EVI5: variants seen among roughly 807,000 people sequenced by gnomAD.
The protein encoded by EVI5 is ecotropic viral integration site 5 protein homolog.
In EVI5, 73 loss-of-function variants were observed where a neutral mutation model predicts 112.0. The ratio of observed to expected loss-of-function variants is 0.65; its 90% CI spans 0.54 to 0.79. EVI5 has a LOEUF of 0.79. Among genes scored for constraint, EVI5 ranks in the 30% least tolerant of loss-of-function variants. The probability of loss-of-function intolerance (pLI) is 0.00; values close to 1 mark genes in which losing one functional copy is unlikely to be tolerated. For missense variants in EVI5, 900 were observed against 968.8 expected (o/e 0.93, Z 0.94); for synonymous variants, 305 against 319.9 (o/e 0.95, Z 0.50).
At chr1:92,711,126 C>T (rs1364986410) in intron 2 of EVI5, among the ~76,000 whole-genome samples, 1 of 152,064 alleles carries the variant, frequency 6.6e-6, no homozygotes, top group Non-Finnish European at 1.5e-5. Flanking sequence ...ATCTATAATA[C>T]TATGATTTGA....
intron 19 of EVI5, among the ~76,000 whole-genome samples, chr1:92,526,201 G>C (rs1270217165): frequency 6.6e-6 from 1 of 152,208 alleles, no homozygotes; most frequent in Non-Finnish European, 1.5e-5. Flanking sequence ...TGAGATCACA[G>C]ACATGTGCCA....
chr1:92,513,822 C>T lies in EVI5; in HGVS notation c.2315G>A (p.Gly772Asp). ...ACCAGATTTTCCGTGCAAAGGAAAA[C>T]CAACACCAGTTTCCTGTAAGGAATT... is the stretch of plus-strand genomic sequence containing the variant. ...IDNSLQETGV[G>D]FPLHGKSGSM... The change falls in exon 20 of 20, where the codon GGT becomes GAT. Residue 772 changes from glycine (G) to aspartate (D), a missense_variant. Physicochemically the swap from Gly to Asp is moderately conservative, Grantham distance 94. Transcript: ENST00000684568. 6.2e-7 allele frequency: 1 copy of T among 1,613,610 alleles called. No individual in the cohort carries two copies. The highest frequency in any genetic ancestry group is 2.2e-5 in the East Asian group (1 of 44,840).
chr1:92,576,296 TA>T (rs1239274711), intron 18 of EVI5, among the ~76,000 whole-genome samples: 2 of 152,248 alleles, frequency 1.3e-5, no homozygotes, highest in African/African-American at 4.8e-5. Context: ...CATTAAAAGT[TA>T]AACATAATAT....
intron 19 of EVI5, among the ~76,000 whole-genome samples, chr1:92,514,551 G>A (rs761435825): frequency 1.3e-5 from 2 of 152,122 alleles, no homozygotes; most frequent in Admixed American, 6.6e-5. Context: ...GGAGACTCAG[G>A]AAGAGTAACT....
chr1:92,581,900 T>G (rs1484590083), intron 18 of EVI5, among the ~76,000 whole-genome samples: 1 of 152,186 alleles, frequency 6.6e-6, no homozygotes, highest in African/African-American at 2.4e-5. Flanking sequence ...ATTCAGCAAC[T>G]ATTTGTTGAG....
At chr1:92,747,967 T>G (rs559201122) in intron 1 of EVI5, among the ~76,000 whole-genome samples, 2 of 152,254 alleles carry the variant, frequency 1.3e-5, no homozygotes, top group East Asian at 1.9e-4. Flanking sequence ...CTCCAGTGAC[T>G]GTATCTTCCC....
chr1:92,745,245 A>T (rs1241127021), intron 1 of EVI5, among the ~76,000 whole-genome samples: 1 of 150,614 alleles, frequency 6.6e-6, no homozygotes, highest in Non-Finnish European at 1.5e-5. Context: ...AGCCTTTTTC[A>T]CTCTTTACTG....
intron 18 of EVI5, among the ~76,000 whole-genome samples, chr1:92,596,359 TG>T (rs890017381): frequency 2.6e-5 from 4 of 152,054 alleles, no homozygotes; most frequent in African/African-American, 9.7e-5. Flanking sequence ...GACCCTGTCT[TG>T]AAAACAATAA....
At chr1:92,623,507 C>T (rs1655011472) in intron 16 of EVI5, among the ~76,000 whole-genome samples, 1 of 152,218 alleles carries the variant, frequency 6.6e-6, no homozygotes, top group South Asian at 2.1e-4. Flanking sequence ...AAATGGGTTT[C>T]ATAAAAAGAC....
At chr1:92,753,351 C>A (rs1680474949) in intron 1 of EVI5, among the ~76,000 whole-genome samples, 1 of 152,070 alleles carries the variant, frequency 6.6e-6, no homozygotes, top group African/African-American at 2.4e-5. Flanking sequence ...ACCAATCAAT[C>A]AATCAATAGA....
At chr1:92,632,894 A>G (rs1399906150) in intron 14 of EVI5, among the ~76,000 whole-genome samples, 1 of 152,174 alleles carries the variant, frequency 6.6e-6, no homozygotes, top group African/African-American at 2.4e-5. Context: ...CATTGGTTTC[A>G]AAGGACATCT....
At chr1:92,765,946 G>A (rs1682567619) in intron 1 of EVI5, among the ~76,000 whole-genome samples, 1 of 151,780 alleles carries the variant, frequency 6.6e-6, no homozygotes, top group South Asian at 2.1e-4. Context: ...CAGGCATGGT[G>A]GCATGTGCCT....
chr1:92,634,782 GCT>G (rs377367940), intron 14 of EVI5, among the ~76,000 whole-genome samples: 34 of 152,268 alleles, frequency 2.2e-4, no homozygotes, highest in African/African-American at 7.2e-4. Context: ...CAGTTTTTCT[GCT>G]CTGTTTTTTC....
rs143989973 is a variant in EVI5 at position 92,718,759 on chromosome 1, G to T, written c.150-14015C>A. ...AAAAAAATCGGTGAATCCAGGAGCT[G>T]GTTTTTTGAAAAGATCAACAAAATT... On this transcript the variant is annotated intron_variant, in intron 2 of 19. Coordinates refer to ENST00000684568, the MANE Select transcript of EVI5 (RefSeq NM_001350197.2). 6.7e-3 allele frequency among the ~76,000 whole-genome samples: 1,017 copies of T among 152,144 alleles called. 6 individuals carry two copies. Among genetic ancestry groups the T allele is most frequent in the Non-Finnish European group, 0.011 (780 of 68,006 alleles).
intron 19 of EVI5, among the ~76,000 whole-genome samples, chr1:92,544,264 T>C (rs958007780): frequency 1.3e-5 from 2 of 152,186 alleles, no homozygotes; most frequent in Non-Finnish European, 2.9e-5. Flanking sequence ...ACTGTGATGA[T>C]AGCTGCATAA....
chr1:92,555,984 T>C (rs1412109029), intron 19 of EVI5, among the ~76,000 whole-genome samples: 1 of 151,792 alleles, frequency 6.6e-6, no homozygotes, highest in Non-Finnish European at 1.5e-5. Context: ...CTACCTTTAG[T>C]ATTTTAGTTT....
chr1:92,542,546 C>T (rs556558886), intron 19 of EVI5, among the ~76,000 whole-genome samples: 118 of 152,282 alleles, frequency 7.7e-4, no homozygotes, highest in African/African-American at 2.6e-3. Context: ...GAACCCTTTG[C>T]GGAGGATTTC....
At chr1:92,533,473 CA>C (rs1663264920) in intron 19 of EVI5, among the ~76,000 whole-genome samples, 1 of 152,018 alleles carries the variant, frequency 6.6e-6, no homozygotes, top group African/African-American at 2.4e-5. Flanking sequence ...GGCAGAGACA[CA>C]ACAAAAAAAC....
intron 9 of EVI5, among the ~76,000 whole-genome samples, chr1:92,689,181 G>C (rs574726238): frequency 6.6e-6 from 1 of 152,260 alleles, no homozygotes; most frequent in South Asian, 2.1e-4. Context: ...ATACACTGCT[G>C]GGTTAGACTA....
Sources: allele counts gnomAD v4.1 joint callset (sites outside exome capture counted in the v4.1 genomes callset), GRCh38; gene constraint gnomAD v4.1.1; transcripts MANE v1.5; gene names NCBI Gene and HGNC (gene_info 2026-07-23, HGNC 2026-07-21).